The following UGT1A8 variants were observed in gnomAD, a reference collection of about 807,000 sequenced individuals.
The protein encoded by UGT1A8 is UDP glucuronosyltransferase family 1 member A8, also known as UDP-glucuronosyltransferase 1A8.
In UGT1A8, 39 loss-of-function variants were observed where a neutral mutation model predicts 45.3. The observed-to-expected ratio is 0.86, with a 90% CI of 0.67 to 1.12. The LOEUF (loss-of-function observed/expected upper bound fraction) is 1.12. UGT1A8 is among the 50% of genes most tolerant of loss of function. The pLI is 0.00. For missense variants in UGT1A8, 719 were observed against 664.9 expected (o/e 1.08, Z -0.90); for synonymous variants, 275 against 249.2 (o/e 1.10, Z -0.97).
At position 233,676,334 on chromosome 2, in the gene UGT1A8, A is replaced by G. The variant is rs2074356296; in HGVS notation, c.855+57772A>G. Among the ~76,000 whole-genome samples, 4 of 152,296 alleles carry G rather than the reference A, an allele frequency of 2.6e-5. No homozygotes were observed. The South Asian group carries it at 8.3e-4, about 32-fold the overall frequency. On this transcript the variant is annotated intron_variant, in intron 1 of 4. Coordinates refer to ENST00000373450, the MANE Select transcript of UGT1A8 (RefSeq NM_019076.5). ...CTGTTGAGTGACTTTTCTTACAAAT[A>G]CTTCATTGTAGAATAAATATAGGAT...
chr2:233,659,828 A>G (rs969696004), intron 1 of UGT1A8, among the ~76,000 whole-genome samples: 1 of 152,218 alleles, frequency 6.6e-6, no homozygotes, highest in African/African-American at 2.4e-5. Context: ...GCAGTCTTCA[A>G]TAATCGGAAT....
chr2:233,631,136 C>T (rs544588927), intron 1 of UGT1A8, among the ~76,000 whole-genome samples: 5 of 152,084 alleles, frequency 3.3e-5, no homozygotes, highest in Admixed American at 6.6e-5. Context: ...TGATAGTTTC[C>T]AGCTTCATCC....
intron 1 of UGT1A8, among the ~76,000 whole-genome samples, chr2:233,618,945 T>C (rs2072950881): frequency 2.0e-5 from 3 of 152,166 alleles, no homozygotes; most frequent in South Asian, 2.1e-4. Flanking sequence ...TTTAGGTGTA[T>C]ATATTTAATT....
chr2:233,724,618 G>A (rs1325870277), intron 1 of UGT1A8, among the ~76,000 whole-genome samples: 1 of 137,250 alleles, frequency 7.3e-6, no homozygotes, highest in East Asian at 2.4e-4. Flanking sequence ...GGGCAGAGAC[G>A]CTCCTCACTT....
chr2:233,711,076 G>A (rs1307844481), intron 1 of UGT1A8, among the ~76,000 whole-genome samples: 2 of 152,172 alleles, frequency 1.3e-5, no homozygotes, highest in Non-Finnish European at 2.9e-5. Flanking sequence ...TTATGCTGAT[G>A]GCTCCAAGTC....
chr2:233,753,072 ACTC>A (rs1477069056), intron 1 of UGT1A8: 1 of 151,486 alleles, frequency 6.6e-6, no homozygotes, highest in Non-Finnish European at 1.5e-5. Context: ...CCACCTCAAA[ACTC>A]CTTTTATTCC....
intron 1 of UGT1A8, among the ~76,000 whole-genome samples, chr2:233,766,038 C>T (rs1161510573): frequency 6.6e-6 from 1 of 152,144 alleles, no homozygotes; most frequent in African/African-American, 2.4e-5. Context: ...CCTCTATAGT[C>T]AGCTTGTGTT....
chr2:233,743,757 C>T, intron 1 of UGT1A8: 2 of 1,367,374 alleles, frequency 1.5e-6, no homozygotes, highest in Non-Finnish European at 2.0e-6. Flanking sequence ...GACAACACCT[C>T]GTAGGCCTCG....
intron 1 of UGT1A8, chr2:233,689,792 C>T: frequency 2.3e-6 from 1 of 426,678 alleles, no homozygotes; most frequent in South Asian, 1.7e-5. Context: ...ATGATGTGAT[C>T]TGTAGTTTCT....
intron 1 of UGT1A8, among the ~76,000 whole-genome samples, chr2:233,666,814 A>C (rs1575411776): frequency 1.1e-5 from 1 of 90,032 alleles, no homozygotes; most frequent in Admixed American, 1.4e-4. Flanking sequence ...CCAATCCCAC[A>C]ACAGGCCCTG....
chr2:233,662,834 T>G (rs2074002574), intron 1 of UGT1A8, among the ~76,000 whole-genome samples: 1 of 141,088 alleles, frequency 7.1e-6, no homozygotes, highest in South Asian at 2.3e-4. Flanking sequence ...TTTTTTTTTG[T>G]CAGATATGAA....
chr2:233,693,756 CTGTT>C (rs1404179163), intron 1 of UGT1A8: 1 of 1,614,130 alleles, frequency 6.2e-7, no homozygotes, highest in Admixed American at 1.7e-5. Context: ...CAGAAGGTCT[CTGTT>C]TGGCTGTTAA....
intron 1 of UGT1A8, chr2:233,691,535 G>T: frequency 1.0e-6 from 1 of 985,674 alleles, no homozygotes; most frequent in Non-Finnish European, 1.2e-6. Context: ...CTAGCTCTGG[G>T]CAAGTCTGTT....
intron 1 of UGT1A8, among the ~76,000 whole-genome samples, chr2:233,677,802 T>C (rs1224508611): frequency 6.6e-6 from 1 of 152,050 alleles, no homozygotes; most frequent in East Asian, 1.9e-4. Context: ...AGAACTGTCA[T>C]TCGACCCAGC....
At chr2:233,677,092 G>T (rs933930881) in intron 1 of UGT1A8, among the ~76,000 whole-genome samples, 3 of 151,942 alleles carry the variant, frequency 2.0e-5, no homozygotes, top group Admixed American at 1.3e-4. Flanking sequence ...AATCCTGCTA[G>T]GATTTTGATT....
At position 233,648,803 on chromosome 2, in the gene UGT1A8, T is replaced by C. The variant is rs2073668696; in HGVS notation, c.855+30241T>C. 6.3e-6 allele frequency: 6 copies of C among 949,308 alleles called. No homozygotes were observed. In the East Asian group the frequency reaches 1.9e-4, roughly 30 times the overall value. The allele number at this position is 949,308 out of a possible 1,614,324, so 58.8% of individuals were successfully genotyped here. On this transcript the variant is annotated intron_variant, in intron 1 of 4. Coordinates refer to ENST00000373450, the MANE Select transcript of UGT1A8 (RefSeq NM_019076.5). ...TTTAAGGAGAGAGTAAGGAACCACATCTTCTACTTAGAGGAGCATTTATTT... is the reference window on the plus strand; with the variant it reads ...TTTAAGGAGAGAGTAAGGAACCACACCTTCTACTTAGAGGAGCATTTATTT...
chr2:233,643,179 A>G (rs2073502455), intron 1 of UGT1A8, among the ~76,000 whole-genome samples: 1 of 152,206 alleles, frequency 6.6e-6, no homozygotes, highest in South Asian at 2.1e-4. Context: ...CAGAAGTGCC[A>G]TCTAGGAGTC....
At chr2:233,713,916 G>T in intron 1 of UGT1A8, 1 of 1,612,412 alleles carries the variant, frequency 6.2e-7, no homozygotes, top group Non-Finnish European at 8.5e-7. Context: ...TTTAAAAAAT[G>T]TATTTACTTA....
chr2:233,721,859 C>T (rs1575539894), intron 1 of UGT1A8: 4 of 508,764 alleles, frequency 7.9e-6, no homozygotes, highest in Non-Finnish European at 1.6e-5. Flanking sequence ...CACTGCTCGG[C>T]CCTGGGCACA....
Sources: allele counts gnomAD v4.1 joint callset (sites outside exome capture counted in the v4.1 genomes callset), GRCh38; gene constraint gnomAD v4.1.1; transcripts MANE v1.5; gene names NCBI Gene and HGNC (gene_info 2026-07-23, HGNC 2026-07-21).